Variants in CLBA1 observed in about 807,000 individuals in gnomAD.
CLBA1 encodes the protein clathrin binding box of aftiphilin containing 1, also known as uncharacterized protein CLBA1.
Under a neutral mutation model 28.8 loss-of-function variants are expected in CLBA1, and 30 were observed. The observed-to-expected ratio is 1.04, with a 90% CI of 0.78 to 1.41. The LOEUF (loss-of-function observed/expected upper bound fraction) is 1.41, where lower values mean the gene tolerates loss of function less well. Ranked by LOEUF, CLBA1 falls within the 40% of genes most tolerant of loss-of-function variation. CLBA1 has a pLI of 0.00. For missense variants in CLBA1, 451 were observed against 412.3 expected (o/e 1.09, Z -0.81); for synonymous variants, 160 against 152.8 (o/e 1.05, Z -0.35).
chr14:104,993,089 T>C, intron 4 of CLBA1, 25 bp downstream of exon 4: 1 of 1,605,728 alleles, frequency 6.2e-7, no homozygotes. Flanking sequence ...AGGAGAGGCC[T>C]CAGGGAACCG....
At chr14:104,998,505 C>G (rs771139464), downstream of CLBA1, among the ~76,000 whole-genome samples, 1 of 152,168 alleles carries the variant, frequency 6.6e-6, no homozygotes, top group African/African-American at 2.4e-5. Context: ...CAGGGTCTTA[C>G]GATGTTGCCG....
chr14:104,992,031 C>T lies in CLBA1; in HGVS notation c.699+411C>T, dbSNP rs576475234. Among the ~76,000 whole-genome samples, 22 of 147,398 alleles carry T rather than the reference C, an allele frequency of 1.5e-4. No individual in the cohort carries two copies. The South Asian group carries it at 2.4e-3, about 16-fold the overall frequency. On this transcript the variant is annotated intron_variant, in intron 3 of 4. Coordinates refer to ENST00000547315, the MANE Select transcript of CLBA1 (RefSeq NM_174891.4). ...ACGCCACCACATGCCGCCATGCACA[C>T]GCCGCCACGCACACGCCACCACGCA...
chr14:105,001,270 A>G (rs1282756446), intron 2 of CLBA1, among the ~76,000 whole-genome samples: 1 of 152,126 alleles, frequency 6.6e-6, no homozygotes, highest in Admixed American at 6.5e-5. Flanking sequence ...CCAAGGCAAG[A>G]GGATCACGTG....
intron 2 of CLBA1, chr14:104,990,820 CT>C (rs1899998419): frequency 6.5e-6 from 1 of 153,256 alleles, no homozygotes; most frequent in Admixed American, 6.5e-5. Flanking sequence ...AGCAAAATAT[CT>C]GGTCTCACGG....
At chr14:104,993,863 GT>G in intron 4 of CLBA1, 1 of 985,462 alleles carries the variant, frequency 1.0e-6, no homozygotes, top group Non-Finnish European at 1.2e-6. Context: ...AGGCGCAGGG[GT>G]AAAGTACTGC....
Position 104,991,510 on chromosome 14 carries a change from T to C in CLBA1, c.589T>C (p.Trp197Arg). 6.2e-7 allele frequency: 1 copy of C among 1,614,050 alleles called. No individual in the cohort carries two copies. The highest frequency in any genetic ancestry group is 8.5e-7 in the Non-Finnish European group (1 of 1,179,906). The change falls in exon 3 of 5, where the codon TGG becomes CGG. Residue 197 changes from tryptophan (W) to arginine (R), a missense_variant. Transcript: ENST00000547315. ...HKLCNESRKL[W>R]RALQSIHTTS... is the part of the protein sequence containing the mutation. ...TTCCAGTAACGAATCCAGAAAACTC[T>C]GGAGAGCCCTTCAGAGCATACACAC...
At position 104,991,558 on chromosome 14, in the gene CLBA1, T is replaced by C; in HGVS notation, c.637T>C (p.Trp213Arg). 2.5e-6 allele frequency: 4 copies of C among 1,613,954 alleles called. No homozygotes were observed. Among genetic ancestry groups the C allele is most frequent in the Non-Finnish European group, 3.4e-6 (4 of 1,179,894 alleles). The change falls in exon 3 of 5, where the codon TGG becomes CGG. Residue 213 changes from tryptophan (W) to arginine (R), a missense_variant. Trp to Arg is a moderately radical substitution (Grantham distance 101). Transcript: ENST00000547315. ...IHTTSTSQRL[W>R]SESRCQENFF... is the part of the protein sequence containing the mutation. ...CACCACGTCTACTTCTCAGCGCCTC[T>C]GGAGCGAGTCCCGTTGCCAGGAGAA...
At chr14:104,987,702 C>G (rs1899905658) in intron 1 of CLBA1, among the ~76,000 whole-genome samples, 1 of 137,076 alleles carries the variant, frequency 7.3e-6, no homozygotes, top group Non-Finnish European at 1.5e-5. Context: ...ACTGCAACCT[C>G]TGTCTCCTGG....
intron 1 of CLBA1, among the ~76,000 whole-genome samples, chr14:104,988,455 T>C (rs531794257): frequency 6.6e-6 from 1 of 151,722 alleles, no homozygotes; most frequent in Admixed American, 6.6e-5. Flanking sequence ...TTCTCCTGCC[T>C]CAGCCTCCTA....
intron 3 of CLBA1, among the ~76,000 whole-genome samples, chr14:104,992,647 A>G (rs1432807522): frequency 1.3e-5 from 2 of 152,224 alleles, no homozygotes; most frequent in African/African-American, 4.8e-5. Context: ...TAGAAGCCTC[A>G]GGTGCGGGCC....
At position 104,986,373 on chromosome 14, in the gene CLBA1, G is replaced by A. The variant is rs1474235372; in HGVS notation, c.-59G>A. The stretch of plus-strand genomic sequence containing the variant: ...GGCAGTCCTGGGCGGCCAGCACCCC[G>A]GCGTGCATGTCTCCTGAGCAGCTGC... On this transcript the variant is annotated 5_prime_UTR_variant, in exon 1 of 5. Transcript: ENST00000547315. 1.2e-5 allele frequency: 19 copies of A among 1,555,340 alleles called. No homozygotes were observed. In the East Asian group the frequency reaches 3.9e-4, roughly 32 times the overall value.
intron 3 of CLBA1, among the ~76,000 whole-genome samples, 161 bp from the exon 4 acceptor site, chr14:104,992,787 A>C (rs1235240079): frequency 6.6e-6 from 1 of 152,172 alleles, no homozygotes; most frequent in Non-Finnish European, 1.5e-5. Flanking sequence ...TGAGGCAGCG[A>C]GTGGCAGGGC....
downstream of CLBA1, among the ~76,000 whole-genome samples, chr14:104,995,968 C>T (rs1161104716): frequency 6.6e-6 from 1 of 152,220 alleles, no homozygotes; most frequent in East Asian, 1.9e-4. Context: ...CAGCAGAGCC[C>T]CTCCAGGAGA....
intron 2 of CLBA1, among the ~76,000 whole-genome samples, chr14:105,000,594 T>C (rs953282336): frequency 6.6e-6 from 1 of 152,148 alleles, no homozygotes; most frequent in Non-Finnish European, 1.5e-5. Flanking sequence ...TCCAAAAATA[T>C]ATATATATCT....
At chr14:104,999,415 T>A (rs547239992), downstream of CLBA1, 1 of 172,212 alleles carries the variant, frequency 5.8e-6, no homozygotes, top group East Asian at 1.9e-4. Context: ...GCTGGAGAAA[T>A]GTCTGCAGTG....
In CLBA1 at chr14:104,994,965, G is replaced by A. The variant is rs1900131268; in HGVS notation, c.*206G>A. On this transcript the variant is annotated 3_prime_UTR_variant, in exon 5 of 5. Transcript: ENST00000547315. Reference sequence around the variant, plus strand: ...TGTGTCCTTGGCAGAGCCAAGGGGAGACAGAGGTTTCTGGATGCCATGACA... The same window carrying A: ...TGTGTCCTTGGCAGAGCCAAGGGGAAACAGAGGTTTCTGGATGCCATGACA... 5 of 1,247,414 alleles carry A rather than the reference G, an allele frequency of 4.0e-6. No individual in the cohort carries two copies. The highest frequency in any genetic ancestry group is 5.0e-6 in the Non-Finnish European group (5 of 994,328). The allele number at this position is 1,247,414 out of a possible 1,614,324, so 77.3% of individuals were successfully genotyped here.
In CLBA1 at chr14:104,988,945, C is replaced by T. The variant is rs1899941949; in HGVS notation, c.426C>T (p.Pro142=). Residue 142 remains proline (P), a splice_region_variant and synonymous_variant, in exon 2 of 5, where the codon CCC becomes CCT. Transcript: ENST00000547315. ...TGTSAVPPSE[P]ILSYENILKC... ...TGCTTTTCTTCTTTTCTTTTCAGCC[C>T]ATTCTCAGCTATGAGAACATTTTAA... The T allele has an allele frequency of 6.2e-7, 1 of 1,602,252 alleles. No homozygotes were observed. The highest frequency in any genetic ancestry group is 8.5e-7 in the Non-Finnish European group (1 of 1,174,840).
At chr14:104,988,014 GT>G (rs1899915385) in intron 1 of CLBA1, among the ~76,000 whole-genome samples, 1 of 152,112 alleles carries the variant, frequency 6.6e-6, no homozygotes, top group South Asian at 2.1e-4. Flanking sequence ...TGTAATGCTT[GT>G]TTTGAATACA....
At chr14:104,988,725 A>G (rs1899936636) in intron 1 of CLBA1, among the ~76,000 whole-genome samples, 1 of 152,166 alleles carries the variant, frequency 6.6e-6, no homozygotes, top group Non-Finnish European at 1.5e-5. Context: ...ATGAAGTTTG[A>G]ATGTTTTGCC....
Sources: allele counts gnomAD v4.1 joint callset (sites outside exome capture counted in the v4.1 genomes callset), GRCh38; gene constraint gnomAD v4.1.1; transcripts MANE v1.5; gene names NCBI Gene and HGNC (gene_info 2026-07-23, HGNC 2026-07-21).